ATP5PD: variants seen among roughly 807,000 people sequenced by gnomAD.
ATP5PD encodes ATP synthase peripheral stalk subunit d, also known as ATP synthase peripheral stalk subunit d, mitochondrial.
ATP5PD carries 13 observed loss-of-function variants against 22.6 expected under a neutral mutation model. That is an observed-to-expected ratio of 0.58 (90% confidence interval 0.37 to 0.91). ATP5PD has a LOEUF of 0.91. Ranked by LOEUF, ATP5PD falls within the 40% of genes least tolerant of loss-of-function variation. The pLI is 0.00. For synonymous variants in ATP5PD, 51 were observed against 65.0 expected (o/e 0.79, Z 1.03); for missense variants, 165 against 188.0 (o/e 0.88, Z 0.72).
At chr17:75,046,417 TC>T (rs1458986360) in intron 1 of ATP5PD, among the ~76,000 whole-genome samples, 2 of 152,104 alleles carry the variant, frequency 1.3e-5, no homozygotes, top group African/African-American at 4.8e-5. Flanking sequence ...TATTGCTTAA[TC>T]CCCAGCGCCT....
intron 1 of ATP5PD, among the ~76,000 whole-genome samples, chr17:75,043,550 T>G (rs1217248003): frequency 2.7e-5 from 4 of 150,402 alleles, no homozygotes; most frequent in African/African-American, 7.4e-5. Context: ...GCGGCGGAGG[T>G]TGCAGTGAGC....
chr17:75,046,083 TTGTG>T (rs904776938), intron 1 of ATP5PD, among the ~76,000 whole-genome samples: 3 of 151,666 alleles, frequency 2.0e-5, no homozygotes, highest in Non-Finnish European at 2.9e-5. Flanking sequence ...ACAAATAACT[TTGTG>T]TGTGTGTGTG....
At chr17:75,042,371 G>C in intron 2 of ATP5PD, 94 bp from the exon 3 acceptor site, 1 of 1,496,302 alleles carries the variant, frequency 6.7e-7, no homozygotes, top group Non-Finnish European at 9.2e-7. Flanking sequence ...TGGCCTGGAG[G>C]GTCACCACAC....
intron 4 of ATP5PD, chr17:75,039,871 C>T (rs1227217669): frequency 1.8e-6 from 1 of 568,832 alleles, no homozygotes; most frequent in African/African-American, 1.9e-5. Context: ...TAGAGTCTTA[C>T]AAAGATGGAA....
chr17:75,042,041 A>G (rs1302014259), intron 3 of ATP5PD, 140 bp downstream of exon 3: 7 of 676,292 alleles, frequency 1.0e-5, no homozygotes, highest in Non-Finnish European at 1.7e-5. Flanking sequence ...TCAATCGACC[A>G]CAAGGCCTTT....
At position 75,040,143 on chromosome 17, in the gene ATP5PD, G is replaced by A. The variant is rs761973103; in HGVS notation, c.240C>T (p.Pro80=). The change falls in exon 4 of 6, where the codon CCC becomes CCT. Residue 80 remains proline (P), a synonymous_variant. Transcript: ENST00000301587. ...GGGCAGTATATTTATCCTCTGGCAC[G>A]GGAACCTTCAGCGCATTAAACTACA... ...FEKKFNALKV[P]VPEDKYTAQV... is the part of the protein sequence containing the mutation. The A allele has an allele frequency of 1.3e-5, 21 of 1,611,460 alleles. No individual in the cohort carries two copies. The highest frequency in any genetic ancestry group is 5.5e-5 in the South Asian group (5 of 90,936).
intron 3 of ATP5PD, 195 bp from the exon 4 acceptor site, chr17:75,040,358 G>A: frequency 1.6e-6 from 1 of 620,746 alleles, no homozygotes; most frequent in Non-Finnish European, 2.9e-6. Flanking sequence ...TATTAGACTG[G>A]GAACAGGAGC....
In ATP5PD at chr17:75,038,974, T is replaced by G. The variant is rs1479951525; in HGVS notation, c.444A>C (p.Lys148Asn). ...GTTGGTGAGGCCAATAGGGATACTTTTTCTTGTCTAATTTGGTTTCTGGGA... is the reference window on the plus strand; with the variant it reads ...GTTGGTGAGGCCAATAGGGATACTTGTTCTTGTCTAATTTGGTTTCTGGGA... ...EAFPETKLDK[K>N]KYPYWPHQPI... Residue 148 changes from lysine (K) to asparagine (N), a missense_variant, in exon 6 of 6, where the codon AAA becomes AAC. By Grantham distance (94) the Lys-to-Asn change is moderately conservative. Transcript: ENST00000301587. The G allele has an allele frequency of 6.2e-7, 1 of 1,614,174 alleles. No homozygotes were observed.
chr17:75,046,168 C>T (rs1402576407), intron 1 of ATP5PD, among the ~76,000 whole-genome samples: 3 of 152,108 alleles, frequency 2.0e-5, no homozygotes, highest in Non-Finnish European at 4.4e-5. Context: ...CTGCAACCTC[C>T]GCCTCCCGGG....
rs932125550 is a variant in ATP5PD, at chr17:75,046,384, A to AT, written c.-10+540dup. Among the ~76,000 whole-genome samples the AT allele has an allele frequency of 3.9e-5, 6 of 152,194 alleles. No individual in the cohort carries two copies. The East Asian group carries it at 7.7e-4, about 20-fold the overall frequency. ...GGCGTGAGCCACCGCGCCCGGCGAA[A>AT]TTTTTTTTAATTCTTAAAAATCTAT... On this transcript the variant is annotated intron_variant, in intron 1 of 5. Transcript: ENST00000301587.
chr17:75,040,250 A>C, intron 3 of ATP5PD, 87 bp from the exon 4 acceptor site: 1 of 1,510,154 alleles, frequency 6.6e-7, no homozygotes, highest in Non-Finnish European at 9.2e-7. Flanking sequence ...CCAGGAGCTC[A>C]AAGGGCTGGA....
chr17:75,039,584 C>A, intron 4 of ATP5PD: 1 of 346,204 alleles, frequency 2.9e-6, no homozygotes, highest in South Asian at 4.3e-5. Context: ...GCCACCTGAG[C>A]ACCTAGCCAG....
At position 75,042,992 on chromosome 17, in the gene ATP5PD, C is replaced by T. The variant is rs554767967; in HGVS notation, c.-9-333G>A. On this transcript the variant is annotated intron_variant, in intron 1 of 5. Transcript: ENST00000301587. The stretch of plus-strand genomic sequence containing the variant: ...ATCCCAGCACTTTGGGAGGCCAAGA[C>T]GGTTGGATCACCTGAGGTCAGGAGT... Among the ~76,000 whole-genome samples the T allele has an allele frequency of 1.1e-4, 17 of 151,602 alleles. No individual in the cohort carries two copies. In the South Asian group the frequency reaches 2.1e-3, roughly 19 times the overall value.
chr17:75,043,788 AAGC>A (rs1460194719), intron 1 of ATP5PD, among the ~76,000 whole-genome samples: 1 of 152,192 alleles, frequency 6.6e-6, no homozygotes, highest in Non-Finnish European at 1.5e-5. Flanking sequence ...AAGTTTCAAC[AAGC>A]CTTAAATAGA....
chr17:75,042,264 G>A lies in ATP5PD; in HGVS notation c.136C>T (p.Pro46Ser), dbSNP rs1411011301. The A allele has an allele frequency of 6.2e-7, 1 of 1,613,984 alleles. No homozygotes were observed. The part of the protein sequence containing the change: ...ETLTSRLAAL[P>S]ENPPAIDWAY... ...CAGTCGATAGCTGGTGGATTCTCAG[G>A]TAAAGCAGCCAACCTGCCCACAAGG... Residue 46 changes from proline (P) to serine (S), a missense_variant, in exon 3 of 6, where the codon CCT (proline) becomes TCT (serine). Transcript: ENST00000301587.
intron 3 of ATP5PD, 197 bp from the exon 4 acceptor site, chr17:75,040,360 A>G (rs1295395582): frequency 8.1e-6 from 5 of 618,694 alleles, no homozygotes; most frequent in Non-Finnish European, 1.4e-5. Flanking sequence ...TTAGACTGGG[A>G]ACAGGAGCTC....
intron 1 of ATP5PD, among the ~76,000 whole-genome samples, chr17:75,044,223 G>T (rs1443201636): frequency 1.3e-5 from 1 of 78,266 alleles, no homozygotes; most frequent in Non-Finnish European, 2.0e-5. Flanking sequence ...TTTTGAGACG[G>T]AGTCTCGCTC....
chr17:75,046,601 G>C (rs978866337), intron 1 of ATP5PD, among the ~76,000 whole-genome samples: 1 of 152,214 alleles, frequency 6.6e-6, no homozygotes, highest in Non-Finnish European at 1.5e-5. Context: ...AACACTGTCT[G>C]CGTAATGTTT....
At chr17:75,040,613 C>T (rs1023048284) in intron 3 of ATP5PD, 25 of 159,436 alleles carry the variant, frequency 1.6e-4, no homozygotes, top group Non-Finnish European at 2.3e-4. Flanking sequence ...TAGCCGGGTG[C>T]GGTGGCTCAT....
Sources: allele counts gnomAD v4.1 joint callset (sites outside exome capture counted in the v4.1 genomes callset), GRCh38; gene constraint gnomAD v4.1.1; transcripts MANE v1.5; gene names NCBI Gene and HGNC (gene_info 2026-07-23, HGNC 2026-07-21).